The following MAK variants were observed in gnomAD, a reference collection of about 807,000 sequenced individuals.
The protein encoded by MAK is male germ cell associated kinase.
MAK carries 65 observed loss-of-function variants against 82.6 expected under a neutral mutation model. That is an observed-to-expected ratio of 0.79 (90% CI 0.64 to 0.97). The LOEUF (loss-of-function observed/expected upper bound fraction) is 0.97. MAK is among the 50% of genes least tolerant of loss of function. MAK has a pLI of 0.00. For missense variants in MAK, 703 were observed against 780.2 expected (o/e 0.90, Z 1.18); for synonymous variants, 250 against 274.2 (o/e 0.91, Z 0.87).
chr6:10,772,905 A>C (rs968819340), intron 13 of MAK, 129 bp downstream of exon 13: 14 of 603,558 alleles, frequency 2.3e-5, no homozygotes, highest in African/African-American at 3.7e-5. Flanking sequence ...TCTTTATCTT[A>C]GTCCTGATCT....
chr6:10,793,463 A>G lies in MAK; in HGVS notation c.1144-1616T>C, dbSNP rs566153711. Among the ~76,000 whole-genome samples, 4 of 152,224 alleles carry G rather than the reference A, an allele frequency of 2.6e-5. No individual in the cohort carries two copies. Among genetic ancestry groups the G allele is most frequent in the African/African-American group, 4.8e-5 (2 of 41,460 alleles). ...CAAGCTGGGCAGAATGGGTAAACTGAGAAGAAAAAATACAGATTCAAAAAT... is the reference window on the plus strand; with the variant it reads ...CAAGCTGGGCAGAATGGGTAAACTGGGAAGAAAAAATACAGATTCAAAAAT... On this transcript the variant is annotated intron_variant, in intron 9 of 14. Transcript: ENST00000354489. This position sits in a 1 kb window ranked among gnomAD's most constrained non-coding sequence, Gnocchi z 4.6.
Position 10,838,506 on chromosome 6 carries a change from G to A in MAK, c.-233C>T, listed in dbSNP as rs777296559. 6.6e-6 allele frequency: 1 copy of A among 152,290 alleles called. No individual in the cohort carries two copies. Among genetic ancestry groups the A allele is most frequent in the Non-Finnish European group, 1.5e-5 (1 of 68,106 alleles). The allele number at this position is 152,290 out of a possible 1,614,324, so 9.4% of individuals were successfully genotyped here. ...CCTGTCCGCGCCTGCTGCTTACCTC[G>A]TTCGCTCCCTTGTGAAGCTCCGGCG... is the stretch of plus-strand genomic sequence containing the variant. On this transcript the variant is annotated 5_prime_UTR_variant, in exon 1 of 15. In the 5' UTR this introduces an upstream ATG that the reference lacks. Transcript: ENST00000354489.
intron 10 of MAK, among the ~76,000 whole-genome samples, chr6:10,785,418 C>G (rs1730251616): frequency 6.6e-6 from 1 of 152,196 alleles, no homozygotes; most frequent in Admixed American, 6.5e-5. Context: ...AATATACTGC[C>G]CAATTTCCAT....
intron 1 of MAK, among the ~76,000 whole-genome samples, chr6:10,836,191 T>A (rs748104028): frequency 6.6e-6 from 1 of 152,216 alleles, no homozygotes; most frequent in Non-Finnish European, 1.5e-5. Flanking sequence ...GGGTGGAGTG[T>A]TGAGGATTAC....
Position 10,795,760 on chromosome 6 carries a change from A to G in MAK, c.1143+238T>C, listed in dbSNP as rs147450987. On this transcript the variant is annotated intron_variant, in intron 9 of 14. Coordinates refer to ENST00000354489, the MANE Select transcript of MAK (RefSeq NM_001242957.3). Reference sequence around the variant, plus strand: ...CCTCCGTCTCAAAAAAAGAAAAAGAAAAAAGACTGAAGACTGTAGCATGTA... The same window carrying G: ...CCTCCGTCTCAAAAAAAGAAAAAGAGAAAAGACTGAAGACTGTAGCATGTA... 3.0e-4 allele frequency among the ~76,000 whole-genome samples: 46 copies of G among 152,338 alleles called. No homozygotes were observed. The East Asian group carries it at 8.7e-3, about 29-fold the overall frequency.
intron 1 of MAK, among the ~76,000 whole-genome samples, chr6:10,834,473 T>C (rs1201512906): frequency 5.9e-5 from 9 of 152,156 alleles, no homozygotes; most frequent in Admixed American, 5.9e-4. Context: ...GCTCTTACTA[T>C]CCCTAATGAG....
intron 12 of MAK, among the ~76,000 whole-genome samples, chr6:10,774,429 A>G (rs558766049): frequency 6.6e-6 from 1 of 152,320 alleles, no homozygotes; most frequent in South Asian, 2.1e-4. Flanking sequence ...GAATCACAGC[A>G]TCAGGGCTAT....
At chr6:10,794,580 T>C (rs1775352645) in intron 9 of MAK, among the ~76,000 whole-genome samples, 1 of 152,176 alleles carries the variant, frequency 6.6e-6, no homozygotes, top group Admixed American at 6.5e-5. Flanking sequence ...AATGCCATAA[T>C]GCAAACACAT....
Position 10,775,444 on chromosome 6 carries a change from T to G in MAK, c.1481A>C (p.Lys494Thr), listed in dbSNP as rs773304876. 11 of 1,611,930 alleles carry G rather than the reference T, an allele frequency of 6.8e-6. No individual in the cohort carries two copies. The South Asian group carries it at 1.2e-4, about 18-fold the overall frequency. ...SRYLPGVNPK[K>T]VSLIASGKEI... is the part of the protein sequence containing the mutation. ...CTTTCCACTGGCTATCAAGGACACC[T>G]TCTTGGGATTCACACCTGAGAAGAA... The change falls in exon 12 of 15, where the codon AAG becomes ACG. Residue 494 changes from lysine to threonine, a missense_variant. Lys to Thr is a moderately conservative substitution (Grantham distance 78). Coordinates refer to ENST00000354489, the MANE Select transcript of MAK (RefSeq NM_001242957.3).
At chr6:10,818,813 T>A in intron 3 of MAK, 73 bp downstream of exon 3, 1 of 819,560 alleles carries the variant, frequency 1.2e-6, no homozygotes, top group Admixed American at 1.9e-5. Context: ...CCACAGAGAA[T>A]AAAATCATCT....
At position 10,765,440 on chromosome 6, in the gene MAK, A is replaced by ATTTTTTTT. The variant is rs200536068; in HGVS notation, c.1793-842_1793-835dup. 1.5e-3 allele frequency among the ~76,000 whole-genome samples: 192 copies of ATTTTTTTT among 130,582 alleles called. 11 individuals are homozygous for ATTTTTTTT. The highest frequency in any genetic ancestry group is 5.6e-3 in the African/African-American group (167 of 29,958). 85.7% of individuals were successfully genotyped at this position (130,582 alleles called of 152,430 possible). A position where few individuals can be genotyped will look rare whatever the true frequency, so the allele number is the denominator to read the frequency against. ...TTAAAATGTGGGTTTTAGAATGAAG[A>ATTTTTTTT]TTTTTTTTTTTTTTTTTTTTTTTTT... On this transcript the variant is annotated intron_variant, in intron 14 of 14. Coordinates refer to ENST00000354489, the MANE Select transcript of MAK (RefSeq NM_001242957.3).
At chr6:10,796,662 C>G (rs996761875) in intron 8 of MAK, among the ~76,000 whole-genome samples, 1 of 151,962 alleles carries the variant, frequency 6.6e-6, no homozygotes, top group Non-Finnish European at 1.5e-5. Flanking sequence ...AAAAATTAGC[C>G]AGGCGTGTTG....
At chr6:10,802,422 C>T (rs1211990305) in intron 7 of MAK, 14 of 220,564 alleles carry the variant, frequency 6.3e-5, no homozygotes. Flanking sequence ...CCTCCTACCT[C>T]AGACTCCTGA....
In MAK at chr6:10,776,503, GGA is replaced by G. The variant is rs1038967479; in HGVS notation, c.1466-1046_1466-1045del. Among the ~76,000 whole-genome samples, 3 of 152,022 alleles carry G rather than the reference GGA, an allele frequency of 2.0e-5. No homozygotes were observed. Among genetic ancestry groups the G allele is most frequent in the South Asian group, 2.1e-4 (1 of 4,828 alleles). ...CAGTCTATGCCTTTTGGTCATTCAC[GGA>G]GAGTTTTCTTTATCTAGTGTAGAAA... On this transcript the variant is annotated intron_variant, in intron 11 of 14. Transcript: ENST00000354489. The surrounding 1 kb of genome is among the most constrained non-coding windows in gnomAD (Gnocchi z 4.3).
At chr6:10,766,447 G>C (rs534592950) in intron 14 of MAK, among the ~76,000 whole-genome samples, 1 of 152,274 alleles carries the variant, frequency 6.6e-6, no homozygotes, top group South Asian at 2.1e-4. Context: ...GGTTTGACAG[G>C]TCCTTTCATT....
chr6:10,819,146 G>GA (rs1383867479), intron 2 of MAK, among the ~76,000 whole-genome samples: 2 of 152,110 alleles, frequency 1.3e-5, no homozygotes, highest in East Asian at 3.9e-4. Flanking sequence ...AATCAAAAGT[G>GA]AAAAAATTAC....
intron 4 of MAK, 62 bp from the exon 5 acceptor site, chr6:10,813,785 G>T (rs1284587817): frequency 6.7e-6 from 6 of 899,110 alleles, no homozygotes; most frequent in East Asian, 4.8e-5. Flanking sequence ...TCCAAAGAAG[G>T]TTTATATTCC....
chr6:10,781,972 G>A (rs570837120), intron 11 of MAK, among the ~76,000 whole-genome samples: 2 of 152,030 alleles, frequency 1.3e-5, no homozygotes, highest in East Asian at 1.9e-4. Flanking sequence ...CTTTGGGAAC[G>A]AGGTGGGTGG....
rs149598032 is a variant in MAK at position 10,770,806 on chromosome 6, T to G, written c.1673-576A>C. ...GTGAATGCTCAATCTGGCGTTAGCA[T>G]AGGGATGCATTGATGAGGAAAAATC... On this transcript the variant is annotated intron_variant, in intron 13 of 14. Transcript: ENST00000354489. Among the ~76,000 whole-genome samples, 10 of 152,142 alleles carry G rather than the reference T, an allele frequency of 6.6e-5. No homozygotes were observed. In the East Asian group the frequency reaches 1.9e-3, roughly 29 times the overall value.
Sources: allele counts gnomAD v4.1 joint callset (sites outside exome capture counted in the v4.1 genomes callset), GRCh38; gene constraint gnomAD v4.1.1; non-coding constraint Gnocchi (gnomAD v3.1); transcripts MANE v1.5; gene names NCBI Gene and HGNC (gene_info 2026-07-23, HGNC 2026-07-21).